The following PRTG variants were observed in gnomAD, a reference collection of about 807,000 sequenced individuals.
PRTG encodes protogenin.
Under a neutral mutation model 122.5 loss-of-function variants are expected in PRTG, and 67 were observed. The ratio of observed to expected loss-of-function variants is 0.55; its 90% confidence interval spans 0.45 to 0.67. PRTG has a LOEUF of 0.67. Ranked by LOEUF, PRTG falls within the 30% of genes least tolerant of loss-of-function variation. The pLI is 0.00. For missense variants in PRTG, 1,435 were observed against 1,415.4 expected, an observed-to-expected ratio of 1.01 and a Z score of -0.22; for synonymous variants, 554 against 501.1, an observed-to-expected ratio of 1.11 and a Z score of -1.41.
At chr15:55,740,095 A>G (rs2031560467) in intron 2 of PRTG, among the ~76,000 whole-genome samples, 1 of 152,192 alleles carries the variant, frequency 6.6e-6, no homozygotes, top group Non-Finnish European at 1.5e-5. Context: ...TTCTACATCC[A>G]ACTCTTCATA....
At chr15:55,691,449 A>C (rs1279302570) in intron 2 of PRTG, among the ~76,000 whole-genome samples, 1 of 152,074 alleles carries the variant, frequency 6.6e-6, no homozygotes, top group Non-Finnish European at 1.5e-5. Flanking sequence ...TTGGGAGGCC[A>C]AGGAGGGTGG....
Position 55,736,797 on chromosome 15 carries a change from T to C in PRTG, c.397+3585A>G, listed in dbSNP as rs185175036. Among the ~76,000 whole-genome samples the C allele has an allele frequency of 2.8e-3, 434 of 152,324 alleles. 4 individuals carry two copies. The highest frequency in any genetic ancestry group is 6.8e-3 in the Middle Eastern group (2 of 294). ...AAATCAAAGAAATATAAGCTAGCTT[T>C]ATGTTCTTTTTCCCTCTATCCTAAG... On this transcript the variant is annotated intron_variant, in intron 2 of 19. Coordinates refer to ENST00000389286, the MANE Select transcript of PRTG (RefSeq NM_173814.6).
In PRTG at chr15:55,720,711, G is replaced by A. The variant is rs2030783353; in HGVS notation, c.397+19671C>T. 3.3e-5 allele frequency among the ~76,000 whole-genome samples: 5 copies of A among 152,138 alleles called. No individual in the cohort carries two copies. The South Asian group carries it at 1.0e-3, about 32-fold the overall frequency. On this transcript the variant is annotated intron_variant, in intron 2 of 19. Transcript: ENST00000389286. ...CTCAGCTGAGTATCTGTTCAGCAGT[G>A]TCCTTCTTTTGGCTTCCCTGGGCCA...
intron 1 of PRTG, chr15:55,742,595 G>A: frequency 2.1e-6 from 1 of 487,768 alleles, no homozygotes; most frequent in East Asian, 3.7e-5. Flanking sequence ...GCGGCGCGGA[G>A]GGGCGTGCGC....
chr15:55,737,607 T>C (rs1039273701), intron 2 of PRTG, among the ~76,000 whole-genome samples: 1 of 152,196 alleles, frequency 6.6e-6, no homozygotes, highest in African/African-American at 2.4e-5. Context: ...ATGAGGGTCA[T>C]CTGCTCTTTA....
At chr15:55,679,502 G>A in intron 6 of PRTG, 57 bp from the exon 7 acceptor site, 14 of 1,373,438 alleles carry the variant, frequency 1.0e-5, no homozygotes, top group Non-Finnish European at 1.4e-5. Flanking sequence ...ATGATGTAAA[G>A]GGTCAAGGAA....
Position 55,637,175 on chromosome 15 carries a change from C to A in PRTG, c.2618G>T (p.Arg873Leu). ...TGGCAATTTATGATATTTACCTTCA[C>A]GGTGTAAGACCTGCCACTCTCCTGC... is the stretch of plus-strand genomic sequence containing the variant. Reference protein sequence around the residue: ...WIAGEWQVLHREGAITMALLE... With the variant: ...WIAGEWQVLHLEGAITMALLE... Residue 873 changes from arginine (R) to leucine (L), a missense_variant, in exon 15 of 20, where the codon CGT becomes CTT. Coordinates refer to ENST00000389286, the MANE Select transcript of PRTG (RefSeq NM_173814.6). 1 of 1,543,998 alleles carries A rather than the reference C, an allele frequency of 6.5e-7. No individual in the cohort carries two copies. Among genetic ancestry groups the A allele is most frequent in the Non-Finnish European group, 8.7e-7 (1 of 1,143,822 alleles).
chr15:55,696,681 G>A (rs965918083), intron 2 of PRTG, among the ~76,000 whole-genome samples: 1 of 152,124 alleles, frequency 6.6e-6, no homozygotes, highest in Non-Finnish European at 1.5e-5. Context: ...AATGTAACAA[G>A]ACAAATGTGA....
intron 2 of PRTG, among the ~76,000 whole-genome samples, chr15:55,728,171 A>T (rs1022866906): frequency 1.3e-4 from 20 of 152,276 alleles, no homozygotes; most frequent in African/African-American, 4.8e-4. Context: ...TGGCCTCCAC[A>T]AAAAATGTAA....
At chr15:55,709,145 CAAAAAAAA>C (rs3985769) in intron 2 of PRTG, among the ~76,000 whole-genome samples, 38 of 51,844 alleles carry the variant, frequency 7.3e-4, no homozygotes, top group African/African-American at 2.0e-3. Context: ...GACTCTGTCT[CAAAAAAAA>C]AAAAAAAAAA....
At chr15:55,712,789 T>C (rs2030441841) in intron 2 of PRTG, among the ~76,000 whole-genome samples, 1 of 152,278 alleles carries the variant, frequency 6.6e-6, no homozygotes, top group East Asian at 1.9e-4. Context: ...AAAAAGCCAG[T>C]TAAGATAAAA....
Position 55,672,421 on chromosome 15 carries a change from A to G in PRTG, c.2041+24T>C, listed in dbSNP as rs373103510. ...TTGTCAGAGAGGAAGGAAAAAGGGA[A>G]AAATACAGTACAAACTCACTCACCT... On this transcript the variant is annotated intron_variant, in intron 11 of 19. Transcript: ENST00000389286. The G allele has an allele frequency of 9.0e-5, 141 of 1,574,864 alleles. No homozygotes were observed. In the African/African-American group the frequency reaches 1.7e-3, roughly 19 times the overall value.
chr15:55,733,071 T>C lies in PRTG; in HGVS notation c.397+7311A>G, dbSNP rs1242361683. Among the ~76,000 whole-genome samples, 4 of 151,934 alleles carry C rather than the reference T, an allele frequency of 2.6e-5. 1 individual carries two copies. The highest frequency in any genetic ancestry group is 4.1e-4 in the South Asian group (2 of 4,820). ...CAAAAATATAAAAATTAGCCGGGCA[T>C]AGTGGCACGTGCCCATAGTCCCAGC... On this transcript the variant is annotated intron_variant, in intron 2 of 19. Transcript: ENST00000389286.
intron 18 of PRTG, among the ~76,000 whole-genome samples, chr15:55,621,627 C>T (rs2059166888): frequency 6.6e-6 from 1 of 152,026 alleles, no homozygotes. Context: ...GGTAACATAG[C>T]AAGACTCTGT....
intron 11 of PRTG, among the ~76,000 whole-genome samples, chr15:55,660,376 C>G (rs1284690070): frequency 6.6e-6 from 1 of 151,948 alleles, no homozygotes; most frequent in South Asian, 2.1e-4. Context: ...AAAAGAAAAC[C>G]CCTCTCGTTT....
intron 1 of PRTG, among the ~76,000 whole-genome samples, chr15:55,741,531 G>A (rs2031607814): frequency 6.6e-5 from 10 of 152,092 alleles, no homozygotes; most frequent in Admixed American, 5.9e-4. Context: ...CTGGGCCCTC[G>A]CCAGGATAAA....
At chr15:55,671,203 C>CG (rs2059469132) in intron 11 of PRTG, among the ~76,000 whole-genome samples, 1 of 152,176 alleles carries the variant, frequency 6.6e-6, no homozygotes, top group Non-Finnish European at 1.5e-5. Context: ...CCTGTGCTAC[C>CG]ATGAGTCCAG....
chr15:55,670,760 G>A lies in PRTG; in HGVS notation c.2041+1685C>T, dbSNP rs142462309. ...CTGCTAAAAATTCAAAATTAGCTGG[G>A]CTTGGTGGTGCATGCCTGTAATCCC... On this transcript the variant is annotated intron_variant, in intron 11 of 19. Coordinates refer to ENST00000389286, the MANE Select transcript of PRTG (RefSeq NM_173814.6). Among the ~76,000 whole-genome samples, 491 of 152,200 alleles carry A rather than the reference G, an allele frequency of 3.2e-3. 7 individuals are homozygous for A. Among genetic ancestry groups the A allele is most frequent in the Non-Finnish European group, 2.6e-3 (179 of 68,022 alleles).
chr15:55,728,785 T>C (rs561648787), intron 2 of PRTG, among the ~76,000 whole-genome samples: 19 of 152,084 alleles, frequency 1.2e-4, no homozygotes, highest in Non-Finnish European at 1.9e-4. Flanking sequence ...GGCATCCAAA[T>C]TGGAGAGAGA....
Sources: gnomAD v4.1 joint callset for allele counts (sites outside exome capture counted in the v4.1 genomes callset) on GRCh38, gnomAD v4.1.1 for gene constraint, MANE v1.5 for transcripts, NCBI Gene and HGNC (gene_info 2026-07-23, HGNC 2026-07-21) for gene names.